DYSF: variants seen among roughly 807,000 people sequenced by gnomAD.
The protein encoded by DYSF is dystrophy-associated fer-1-like 1.
A neutral mutation model predicts 274.9 loss-of-function variants in DYSF; 212 were observed. The observed-to-expected ratio is 0.77, with a 90% CI of 0.69 to 0.86. DYSF has a LOEUF of 0.86. Among genes scored for constraint, DYSF ranks in the 40% least tolerant of loss-of-function variants. The pLI is 0.00. For missense variants in DYSF, 2,666 were observed against 2,783.2 expected (o/e 0.96, Z 0.95); for synonymous variants, 1,091 against 1,078.7 (o/e 1.01, Z -0.22).
In DYSF at chr2:71,520,883, G is replaced by A. The variant is rs755263065; in HGVS notation, c.1128G>A (p.Leu376=). Reference sequence around the variant, plus strand: ...ACCTGAAAACAAGCCTTTGTGTGCTGGGGCCTGGGGACGAAGCGCCTGTGA... The same window carrying A: ...ACCTGAAAACAAGCCTTTGTGTGCTAGGGCCTGGGGACGAAGCGCCTGTGA... The part of the protein sequence containing the change: ...RGYLKTSLCV[L]GPGDEAPLER... The change falls in exon 12 of 56, where the codon CTG becomes CTA. Residue 376 remains leucine, a synonymous_variant. Coordinates refer to ENST00000410020, the MANE Select transcript of DYSF (RefSeq NM_001130987.2). The A allele has an allele frequency of 1.2e-6, 2 of 1,614,112 alleles. No individual in the cohort carries two copies. Among genetic ancestry groups the A allele is most frequent in the South Asian group, 2.2e-5 (2 of 91,082 alleles).
At chr2:71,654,103 A>G (rs2094722028) in intron 42 of DYSF, among the ~76,000 whole-genome samples, 1 of 152,240 alleles carries the variant, frequency 6.6e-6, no homozygotes, top group African/African-American at 2.4e-5. Context: ...TGTACAAATG[A>G]CAAGGATGAG....
At chr2:71,658,821 G>A (rs576206426) in intron 43 of DYSF, 57 bp from the exon 44 acceptor site, 3 of 1,609,334 alleles carry the variant, frequency 1.9e-6, no homozygotes, top group African/African-American at 1.3e-5. Context: ...TGGGGACACA[G>A]CCAAACCATA....
chr2:71,574,117 A>G, intron 29 of DYSF, 81 bp from the exon 30 acceptor site: 2 of 1,552,758 alleles, frequency 1.3e-6, no homozygotes, highest in Non-Finnish European at 1.8e-6. Flanking sequence ...CATGGAAGAC[A>G]GGAAGGCAAA....
intron 51 of DYSF, 140 bp downstream of exon 51, chr2:71,669,886 C>A (rs1377338161): frequency 1.8e-6 from 2 of 1,090,202 alleles, no homozygotes; most frequent in Admixed American, 3.7e-5. Flanking sequence ...GCCATCTCCA[C>A]ATGGCCACCA....
intron 3 of DYSF, among the ~76,000 whole-genome samples, chr2:71,491,237 C>T (rs534666548): frequency 3.9e-5 from 6 of 152,170 alleles, no homozygotes; most frequent in East Asian, 3.9e-4. Context: ...TTGGGTTGCT[C>T]GTCTTTTCCT....
At chr2:71,600,906 T>C in intron 34 of DYSF, 64 bp downstream of exon 34, 1 of 1,597,250 alleles carries the variant, frequency 6.3e-7, no homozygotes, top group Non-Finnish European at 8.5e-7. Flanking sequence ...GCCAACCCTC[T>C]GTGGGAGCCT....
chr2:71,651,809 G>A (rs1027886679), intron 42 of DYSF, among the ~76,000 whole-genome samples: 6 of 151,974 alleles, frequency 3.9e-5, no homozygotes, highest in East Asian at 1.9e-4. Flanking sequence ...CATGATAACC[G>A]AATTTGCTTC....
At chr2:71,623,370 C>T (rs1220555422) in intron 41 of DYSF, among the ~76,000 whole-genome samples, 1 of 143,788 alleles carries the variant, frequency 7.0e-6, no homozygotes, top group Non-Finnish European at 1.5e-5. Flanking sequence ...ATTCCCCTTC[C>T]TGTGTCCACG....
Position 71,515,694 on chromosome 2 carries a change from T to C in DYSF, c.831T>C (p.Ala277=). The change falls in exon 8 of 56, where the codon GCT becomes GCC. Residue 277 remains alanine, a synonymous_variant. Transcript: ENST00000410020. ...VNIKPVVKVT[A]AGQTKRTRIH... Reference sequence around the variant, plus strand: ...TCAAGCCTGTGGTCAAGGTTACCGCTGCAGGGCAGACCAAGCGGACGCGGA... The same window carrying C: ...TCAAGCCTGTGGTCAAGGTTACCGCCGCAGGGCAGACCAAGCGGACGCGGA... 1.2e-6 allele frequency: 2 copies of C among 1,614,070 alleles called. No individual in the cohort carries two copies. Among genetic ancestry groups the C allele is most frequent in the Non-Finnish European group, 1.7e-6 (2 of 1,180,012 alleles).
At chr2:71,634,195 G>C (rs2094358536) in intron 41 of DYSF, among the ~76,000 whole-genome samples, 1 of 152,186 alleles carries the variant, frequency 6.6e-6, no homozygotes, top group Non-Finnish European at 1.5e-5. Context: ...TTAATGGCCA[G>C]ACTTCTTGTT....
At chr2:71,453,925 C>T in exon 1 of DYSF, 3 of 1,454,194 alleles carry the variant, frequency 2.1e-6, no homozygotes, top group Non-Finnish European at 1.9e-6. Flanking sequence ...GACCCACAAG[C>T]GGCGCCTCGG....
At position 71,613,345 on chromosome 2, in the gene DYSF, C is replaced by T; in HGVS notation, c.4399C>T (p.Leu1467=). The change falls in exon 40 of 56, where the codon CTA becomes TTA. Residue 1467 remains leucine (L), a synonymous_variant. Coordinates refer to ENST00000410020, the MANE Select transcript of DYSF (RefSeq NM_001130987.2). The part of the protein sequence containing the change: ...SPQGGPDDVS[L]LSPGEDVLID... ...TCCCTCCCCTGCAGACGATGTGAGC[C>T]TACTCAGTCCTGGGGAAGACGTGCT... 1.2e-6 allele frequency: 2 copies of T among 1,613,170 alleles called. No homozygotes were observed. Among genetic ancestry groups the T allele is most frequent in the Non-Finnish European group, 1.7e-6 (2 of 1,179,702 alleles).
chr2:71,496,342 G>A (rs999005404), intron 3 of DYSF, among the ~76,000 whole-genome samples: 15 of 152,082 alleles, frequency 9.9e-5, no homozygotes, highest in African/African-American at 3.1e-4. Flanking sequence ...GGGCCACACA[G>A]GGAAGTGCTG....
In DYSF at chr2:71,602,805, G is replaced by A. The variant is rs781449138; in HGVS notation, c.3957G>A (p.Glu1319=). Reference sequence around the variant, plus strand: ...AGGAGACATCAAGGATCCTGGATGAGGTGAGCTGGGCGTGGTGGTTGGGAT... The same window carrying A: ...AGGAGACATCAAGGATCCTGGATGAAGTGAGCTGGGCGTGGTGGTTGGGAT... ...EVQETSRILD[E]SEDTDLPYPP... is the part of the protein sequence containing the mutation. The change falls in exon 36 of 56, where the codon GAG becomes GAA. Residue 1319 remains glutamate (E), a splice_region_variant and synonymous_variant. Transcript: ENST00000410020. 2.5e-6 allele frequency: 4 copies of A among 1,613,240 alleles called. No homozygotes were observed. The Admixed American group carries it at 5.0e-5, about 20-fold the overall frequency.
chr2:71,661,248 TAC>T (rs1470667850), intron 45 of DYSF, among the ~76,000 whole-genome samples: 1 of 152,036 alleles, frequency 6.6e-6, no homozygotes, highest in Non-Finnish European at 1.5e-5. Flanking sequence ...ACTAAACAGT[TAC>T]AGAGACAGTG....
rs1423568303 is a variant in DYSF at position 71,550,990 on chromosome 2, T to C, written c.1577-51T>C. 5.8e-6 allele frequency: 9 copies of C among 1,551,082 alleles called. No individual in the cohort carries two copies. The East Asian group carries it at 1.6e-4, about 27-fold the overall frequency. Reference sequence around the variant, plus strand: ...GGTTGGAAGGTGGCTGGGTGGAGCATTGGGAAGCCCCACTGGGCCGACCCC... The same window carrying C: ...GGTTGGAAGGTGGCTGGGTGGAGCACTGGGAAGCCCCACTGGGCCGACCCC... On this transcript the variant is annotated intron_variant, in intron 17 of 55. Transcript: ENST00000410020.
intron 41 of DYSF, among the ~76,000 whole-genome samples, chr2:71,639,087 G>A (rs1407882495): frequency 6.6e-6 from 1 of 152,170 alleles, no homozygotes; most frequent in Non-Finnish European, 1.5e-5. Context: ...CTAATGATGT[G>A]GAGCATCTTT....
At chr2:71,578,289 C>A (rs1010229207) in intron 30 of DYSF, among the ~76,000 whole-genome samples, 6 of 152,118 alleles carry the variant, frequency 3.9e-5, no homozygotes, top group Non-Finnish European at 8.8e-5. Context: ...CCATTGGCCC[C>A]CTACTTGGGT....
At chr2:71,526,685 T>C (rs1194200631) in intron 13 of DYSF, among the ~76,000 whole-genome samples, 1 of 152,160 alleles carries the variant, frequency 6.6e-6, no homozygotes, top group Non-Finnish European at 1.5e-5. Flanking sequence ...TGATTTTCCC[T>C]CCCTCTGTGA....
Sources: allele counts gnomAD v4.1 joint callset (sites outside exome capture counted in the v4.1 genomes callset), GRCh38; gene constraint gnomAD v4.1.1; transcripts MANE v1.5; gene names NCBI Gene and HGNC (gene_info 2026-07-23, HGNC 2026-07-21).